Variants in TAB1 observed in about 807,000 individuals in gnomAD.
TAB1 encodes the protein TGF-beta activated kinase 1 (MAP3K7) binding protein 1, also known as TGF-beta-activated kinase 1 and MAP3K7-binding protein 1.
A neutral mutation model predicts 54.5 loss-of-function variants in TAB1; 30 were observed. The ratio of observed to expected loss-of-function variants is 0.55; its 90% CI spans 0.41 to 0.75. The LOEUF (loss-of-function observed/expected upper bound fraction) is 0.75. Among genes scored for constraint, TAB1 ranks in the 30% least tolerant of loss-of-function variants. The probability of loss-of-function intolerance (pLI) is 0.00; values close to 1 mark genes in which losing one functional copy is unlikely to be tolerated. For missense variants in TAB1, 609 were observed against 683.2 expected, an observed-to-expected ratio of 0.89 and a Z score of 1.21; for synonymous variants, 289 against 286.9, an observed-to-expected ratio of 1.01 and a Z score of -0.07.
intron 8 of TAB1, 82 bp downstream of exon 8, chr22:39,422,053 G>C (rs1927114664): frequency 7.9e-7 from 1 of 1,270,080 alleles, no homozygotes; most frequent in African/African-American, 1.6e-5. Context: ...TTCTAGCACT[G>C]TGATTCTCGG....
At chr22:39,404,290 A>G (rs951166991) in intron 1 of TAB1, among the ~76,000 whole-genome samples, 1 of 152,230 alleles carries the variant, frequency 6.6e-6, no homozygotes, top group East Asian at 1.9e-4. Flanking sequence ...TTAATTATAA[A>G]AAAGAAAATC....
intron 1 of TAB1, among the ~76,000 whole-genome samples, chr22:39,400,493 TCTC>T (rs1400849250): frequency 6.6e-6 from 1 of 152,154 alleles, no homozygotes; most frequent in Non-Finnish European, 1.5e-5. Context: ...TCAGTTTCCT[TCTC>T]CTAAGGCGAG....
chr22:39,399,918 G>A (rs1214839282), intron 1 of TAB1, 83 bp downstream of exon 1: 2 of 1,442,556 alleles, frequency 1.4e-6, no homozygotes, highest in Non-Finnish European at 1.9e-6. Context: ...CTCCTTCTCC[G>A]AGTTTGGACA....
In TAB1 at chr22:39,418,841, G is replaced by A. The variant is rs775628719; in HGVS notation, c.660G>A (p.Gln220=). The A allele has an allele frequency of 5.0e-6, 8 of 1,613,432 alleles. No individual in the cohort carries two copies. Among genetic ancestry groups the A allele is most frequent in the Non-Finnish European group, 6.8e-6 (8 of 1,179,520 alleles). ...ENEDELFRLS[Q]LGLDAGKIKQ... is the part of the protein sequence containing the mutation. The stretch of plus-strand genomic sequence containing the variant: ...AGGATGAGCTCTTCCGTCTTTCGCA[G>A]CTGGGTGAGTGGGGAGAGTGGGAGC... Residue 220 remains glutamine, a synonymous_variant, in exon 6 of 11, where the codon CAG becomes CAA. Coordinates refer to ENST00000216160, the MANE Select transcript of TAB1 (RefSeq NM_006116.3).
chr22:39,415,740 G>A lies in TAB1; in HGVS notation c.324+87G>A. The A allele has an allele frequency of 1.3e-6, 2 of 1,505,802 alleles. No homozygotes were observed. The highest frequency in any genetic ancestry group is 1.4e-5 in the African/African-American group (1 of 73,052). The allele number at this position is 1,505,802 out of a possible 1,614,324, so 93.3% of individuals were successfully genotyped here. ...CCCTGCACCTCTAGCATGTTGCCAG[G>A]GTTGGTGTGAAGATCCTGCCGGCCC... On this transcript the variant is annotated intron_variant, in intron 3 of 10. Transcript: ENST00000216160. The surrounding 1 kb of genome is among the most constrained non-coding windows in gnomAD (Gnocchi z 4.9).
chr22:39,424,446 T>C (rs917829726), intron 8 of TAB1, among the ~76,000 whole-genome samples: 231 of 142,532 alleles, frequency 1.6e-3, no homozygotes, highest in Non-Finnish European at 3.0e-3. Flanking sequence ...TTCTTTTTTT[T>C]TTTTTTTTTT....
rs1926898449 is a variant in TAB1, at chr22:39,417,716, C to T, written c.417C>T (p.Val139=). 1 of 1,608,228 alleles carries T rather than the reference C, an allele frequency of 6.2e-7. No homozygotes were observed. ...ASLQSQLPEG[V]PQHQLPPQYQ... is the part of the protein sequence containing the mutation. ...CCCTCTGTTGATGGTTGTAGGGAGT[C>T]CCTCAGCACCAGCTGCCTCCTCAGT... is the stretch of plus-strand genomic sequence containing the variant. Residue 139 remains valine (V), a synonymous_variant, in exon 5 of 11, where the codon GTC becomes GTT. Coordinates refer to ENST00000216160, the MANE Select transcript of TAB1 (RefSeq NM_006116.3).
chr22:39,401,902 A>G (rs2089072462), intron 1 of TAB1, among the ~76,000 whole-genome samples: 1 of 152,192 alleles, frequency 6.6e-6, no homozygotes, highest in South Asian at 2.1e-4. Context: ...ACCTGCATTC[A>G]GAGATGGCTG....
At position 39,430,576 on chromosome 22, in the gene TAB1, C is replaced by CT; in HGVS notation, c.*355dup. On this transcript the variant is annotated 3_prime_UTR_variant, in exon 11 of 11. Coordinates refer to ENST00000216160, the MANE Select transcript of TAB1 (RefSeq NM_006116.3). ...AGCAGGAAGAGGCGCCCTGTGAACC[C>CT]TGAGTGTTGCAGGCCCAGCAGACCC... 1 of 1,164,466 alleles carries CT rather than the reference C, an allele frequency of 8.6e-7. No homozygotes were observed. Among genetic ancestry groups the CT allele is most frequent in the South Asian group, 2.1e-5 (1 of 47,930 alleles). 72.1% of individuals were successfully genotyped at this position (1,164,466 alleles called of 1,614,324 possible).
chr22:39,431,807 G>T lies in TAB1; in HGVS notation c.*1585G>T. The T allele has an allele frequency of 2.0e-6, 2 of 985,412 alleles. No homozygotes were observed. The highest frequency in any genetic ancestry group is 2.4e-6 in the Non-Finnish European group (2 of 829,928). The allele number at this position is 985,412 out of a possible 1,614,324, so 61.0% of individuals were successfully genotyped here. A position where few individuals can be genotyped will look rare whatever the true frequency, so the allele number is the denominator to read the frequency against. ...CAAGAATGCCTCTGTGGTGCTGTTTGGTCTCTAGAAACAGGGTCACTTTTT... is the reference window on the plus strand; with the variant it reads ...CAAGAATGCCTCTGTGGTGCTGTTTTGTCTCTAGAAACAGGGTCACTTTTT... On this transcript the variant is annotated 3_prime_UTR_variant, in exon 11 of 11. Coordinates refer to ENST00000216160, the MANE Select transcript of TAB1 (RefSeq NM_006116.3).
At chr22:39,434,225 GGAGCGTTAGCC>G (rs1927700609), downstream of TAB1, among the ~76,000 whole-genome samples, 2 of 152,258 alleles carry the variant, frequency 1.3e-5, no homozygotes, top group South Asian at 4.1e-4. Flanking sequence ...ACAGGTGACG[GGAGCGTTAGCC>G]GAGATGTCCA....
intron 1 of TAB1, among the ~76,000 whole-genome samples, chr22:39,406,054 A>G (rs1926347725): frequency 6.6e-6 from 1 of 152,164 alleles, no homozygotes; most frequent in South Asian, 2.1e-4. Flanking sequence ...TACCAACTCC[A>G]GAGACGTTAA....
At chr22:39,436,568 G>A (rs757305515), downstream of TAB1, 53 of 1,612,828 alleles carry the variant, frequency 3.3e-5, no homozygotes, top group Non-Finnish European at 4.3e-5. Context: ...TGACCCCAGG[G>A]TAGGAAGGAA....
In TAB1 at chr22:39,429,001, G is replaced by A. The variant is rs1337572277; in HGVS notation, c.1307+818G>A. On this transcript the variant is annotated intron_variant, in intron 10 of 10. Transcript: ENST00000216160. The stretch of plus-strand genomic sequence containing the variant: ...GAGTGCAGTAGGGGTGGCCTCTCCA[G>A]CACCCCTGCCGGGCTGCCTGGAGGA... The A allele has an allele frequency of 3.1e-6, 3 of 955,034 alleles. No individual in the cohort carries two copies. In the African/African-American group the frequency reaches 5.3e-5, roughly 17 times the overall value. 59.2% of individuals were successfully genotyped at this position (955,034 alleles called of 1,614,324 possible). A position where few individuals can be genotyped will look rare whatever the true frequency, so the allele number is the denominator to read the frequency against.
At chr22:39,409,270 G>C (rs1857711697) in intron 1 of TAB1, among the ~76,000 whole-genome samples, 1 of 152,158 alleles carries the variant, frequency 6.6e-6, no homozygotes, top group Non-Finnish European at 1.5e-5. Context: ...AGACAGACTA[G>C]AAAAGGAGCT....
chr22:39,436,918 G>A (rs527441518), downstream of TAB1: 121 of 237,252 alleles, frequency 5.1e-4, no homozygotes, highest in African/African-American at 2.6e-3. Context: ...CCCTGCACGG[G>A]GCAGTGTTTG....
chr22:39,414,398 A>G (rs1926734256), intron 1 of TAB1, among the ~76,000 whole-genome samples: 1 of 152,160 alleles, frequency 6.6e-6, no homozygotes, highest in Non-Finnish European at 1.5e-5. Flanking sequence ...ATAAACTCCG[A>G]CTTAAAAGCC....
At chr22:39,407,154 G>A (rs959709038) in intron 1 of TAB1, among the ~76,000 whole-genome samples, 1 of 152,200 alleles carries the variant, frequency 6.6e-6, no homozygotes, top group African/African-American at 2.4e-5. Flanking sequence ...GACAGACATG[G>A]TAGAAACTCA....
intron 1 of TAB1, among the ~76,000 whole-genome samples, chr22:39,406,505 A>G (rs1199798020): frequency 1.4e-4 from 21 of 151,524 alleles, no homozygotes; most frequent in Admixed American, 1.4e-3. Context: ...CCCTAGTTGG[A>G]TTTGAGCAGT....
Sources: allele counts gnomAD v4.1 joint callset (sites outside exome capture counted in the v4.1 genomes callset), GRCh38; gene constraint gnomAD v4.1.1; non-coding constraint Gnocchi (gnomAD v3.1); transcripts MANE v1.5; gene names NCBI Gene and HGNC (gene_info 2026-07-23, HGNC 2026-07-21).